Variants in CYFIP1 observed in about 807,000 individuals in gnomAD.
CYFIP1 encodes the protein cytoplasmic FMR1-interacting protein 1.
A neutral mutation model predicts 163.5 loss-of-function variants in CYFIP1; 58 were observed. That is an observed-to-expected ratio of 0.35 (90% CI 0.29 to 0.44). The LOEUF is 0.44. Ranked by LOEUF, CYFIP1 falls within the 20% of genes least tolerant of loss-of-function variation. The pLI, the probability that CYFIP1 is intolerant of heterozygous loss-of-function variation, is 1.00. For missense variants in CYFIP1, 1,338 were observed against 1,653.8 expected (o/e 0.81, Z 3.31); for synonymous variants, 663 against 660.7 (o/e 1.00, Z -0.05).
At chr15:22,955,183 C>G (rs1272005837) in intron 1 of CYFIP1, among the ~76,000 whole-genome samples, 1 of 152,202 alleles carries the variant, frequency 6.6e-6, no homozygotes, top group Admixed American at 6.5e-5. Flanking sequence ...CTGGCTGCCC[C>G]TCAGCCTCAG....
At chr15:22,897,880 C>T (rs1271223031) in intron 22 of CYFIP1, among the ~76,000 whole-genome samples, 1 of 152,178 alleles carries the variant, frequency 6.6e-6, no homozygotes, top group East Asian at 1.9e-4. Context: ...CCCTGGCACA[C>T]GCACAGTTTA....
chr15:22,947,532 C>A (rs1186902199), intron 1 of CYFIP1, among the ~76,000 whole-genome samples: 1 of 152,142 alleles, frequency 6.6e-6, no homozygotes, highest in African/African-American at 2.4e-5. Flanking sequence ...GCTCTCCTGG[C>A]CTCCAGGAGG....
At chr15:22,976,207 G>T (rs1008802790) in intron 1 of CYFIP1, among the ~76,000 whole-genome samples, 6 of 151,934 alleles carry the variant, frequency 3.9e-5, no homozygotes, top group Admixed American at 3.9e-4. Flanking sequence ...GCCCAGGCTG[G>T]ACTGCAGTGG....
chr15:22,944,511 AC>A (rs753010577), intron 5 of CYFIP1, 46 bp downstream of exon 5: 3 of 1,308,852 alleles, frequency 2.3e-6, no homozygotes, highest in Middle Eastern at 1.8e-4. Context: ...GGGGTCAGCA[AC>A]CCACCCCTCG....
chr15:22,955,251 A>T (rs985153932), intron 1 of CYFIP1, among the ~76,000 whole-genome samples: 1 of 152,084 alleles, frequency 6.6e-6, no homozygotes, highest in Non-Finnish European at 1.5e-5. Flanking sequence ...GGTGGAGGCC[A>T]CCCTGACACA....
intron 22 of CYFIP1, among the ~76,000 whole-genome samples, chr15:22,894,186 G>A (rs999193984): frequency 2.0e-5 from 3 of 151,974 alleles, no homozygotes; most frequent in East Asian, 1.9e-4. Flanking sequence ...GGCGGGGTGC[G>A]GGAGAAGACA....
At chr15:22,954,915 T>C (rs1482056717) in intron 1 of CYFIP1, among the ~76,000 whole-genome samples, 1 of 152,230 alleles carries the variant, frequency 6.6e-6, no homozygotes, top group Non-Finnish European at 1.5e-5. Context: ...TGGGTCGGGA[T>C]GCACCTCTGC....
At chr15:22,916,973 C>T (rs1247730520) in intron 15 of CYFIP1, 2 of 1,551,672 alleles carry the variant, frequency 1.3e-6, no homozygotes, top group East Asian at 4.9e-5. Flanking sequence ...GAGACTTGAG[C>T]TGCCTGAGCA....
intron 23 of CYFIP1, among the ~76,000 whole-genome samples, chr15:22,885,012 G>A (rs369812677): frequency 6.6e-6 from 1 of 151,922 alleles, no homozygotes; most frequent in African/African-American, 2.4e-5. Context: ...GGCAGGGCAG[G>A]CCCTGGGCCC....
At chr15:22,961,643 G>C (rs1441144392) in intron 1 of CYFIP1, among the ~76,000 whole-genome samples, 2 of 152,072 alleles carry the variant, frequency 1.3e-5, no homozygotes, top group South Asian at 4.1e-4. Flanking sequence ...GCCTCCCAAA[G>C]ATGCTGAAAT....
chr15:22,930,339 T>C (rs377723498), intron 11 of CYFIP1, among the ~76,000 whole-genome samples: 14 of 145,074 alleles, frequency 9.7e-5, no homozygotes, highest in African/African-American at 2.3e-4. Context: ...TGAGCCGAGA[T>C]TGCACCACTG....
At chr15:22,925,223 T>G (rs2061321167) in intron 13 of CYFIP1, among the ~76,000 whole-genome samples, 1 of 152,086 alleles carries the variant, frequency 6.6e-6, no homozygotes, top group Non-Finnish European at 1.5e-5. Context: ...AAAAGCTGAT[T>G]CTAAAATGAA....
intron 23 of CYFIP1, among the ~76,000 whole-genome samples, chr15:22,884,437 A>C (rs181441319): frequency 3.3e-5 from 5 of 152,276 alleles, no homozygotes; most frequent in Non-Finnish European, 7.4e-5. Context: ...GCAGTCATTA[A>C]ATCTTAAAGC....
Position 22,868,358 on chromosome 15 carries a change from TAATA to T in CYFIP1, c.*1666_*1669del, listed in dbSNP as rs762574905. ...GAGACTCATTTGAACATGCATAGGT[TAATA>T]AATAATAAATTCTTATTTAACATTT... On this transcript the variant is annotated 3_prime_UTR_variant, in exon 31 of 31. Transcript: ENST00000617928. The T allele has an allele frequency of 2.0e-5, 3 of 146,998 alleles. No homozygotes were observed. The highest frequency in any genetic ancestry group is 4.5e-5 in the Non-Finnish European group (3 of 66,084). The allele number at this position is 146,998 out of a possible 1,614,324, so 9.1% of individuals were successfully genotyped here.
At chr15:22,960,842 A>T (rs1280630203) in intron 1 of CYFIP1, among the ~76,000 whole-genome samples, 3 of 152,128 alleles carry the variant, frequency 2.0e-5, no homozygotes, top group African/African-American at 7.2e-5. Context: ...TAGGTCACAC[A>T]ATGTCTCTAA....
At position 22,937,089 on chromosome 15, in the gene CYFIP1, AAACATGT is replaced by A. The variant is rs1337251079; in HGVS notation, c.900+8_900+14del. On this transcript the variant is annotated splice_region_variant and intron_variant, in intron 9 of 30. Coordinates refer to ENST00000617928, the MANE Select transcript of CYFIP1 (RefSeq NM_014608.6). ...CAAATCAATAAAAACATTGATCTAA[AAACATGT>A]AACTCACCTTGAAGTACTTGTCGAT... 1 of 1,539,010 alleles carries A rather than the reference AAACATGT, an allele frequency of 6.5e-7. No individual in the cohort carries two copies. Among genetic ancestry groups the A allele is most frequent in the Admixed American group, 1.7e-5 (1 of 59,876 alleles).
chr15:22,872,918 A>C lies in CYFIP1; in HGVS notation c.3504T>G (p.Leu1168=), dbSNP rs754194634. The C allele has an allele frequency of 6.2e-7, 1 of 1,614,158 alleles. No homozygotes were observed. Among genetic ancestry groups the C allele is most frequent in the Non-Finnish European group, 8.5e-7 (1 of 1,179,990 alleles). Residue 1168 remains leucine, a synonymous_variant, in exon 30 of 31, where the codon CTT becomes CTG. Coordinates refer to ENST00000617928, the MANE Select transcript of CYFIP1 (RefSeq NM_014608.6). The part of the protein sequence containing the change: ...HWAGCMIIVL[L]GQQRRFAVLD... Reference sequence around the variant, plus strand: ...GCACAGCAAAACGCCGCTGCTGCCCAAGAAGTACGATGATCATACAGCCAG... The same window carrying C: ...GCACAGCAAAACGCCGCTGCTGCCCCAGAAGTACGATGATCATACAGCCAG...
At position 22,945,030 on chromosome 15, in the gene CYFIP1, A is replaced by G. The variant is rs2062013308; in HGVS notation, c.208-91T>C. 5 of 1,178,262 alleles carry G rather than the reference A, an allele frequency of 4.2e-6. No homozygotes were observed. The East Asian group carries it at 9.3e-5, about 22-fold the overall frequency. 73.0% of individuals were successfully genotyped at this position (1,178,262 alleles called of 1,614,324 possible). ...TGCTAAAATCCAGACAAAGCGCCACAAACTATCCTAAGCACTGTGGCCTGT... is the reference window on the plus strand; with the variant it reads ...TGCTAAAATCCAGACAAAGCGCCACGAACTATCCTAAGCACTGTGGCCTGT... On this transcript the variant is annotated intron_variant, in intron 3 of 30. Coordinates refer to ENST00000617928, the MANE Select transcript of CYFIP1 (RefSeq NM_014608.6).
intron 13 of CYFIP1, among the ~76,000 whole-genome samples, chr15:22,925,080 T>C (rs1186215622): frequency 6.6e-6 from 1 of 152,192 alleles, no homozygotes; most frequent in African/African-American, 2.4e-5. Context: ...CTGAACATTT[T>C]TGACCCAAGG....
Sources: allele counts gnomAD v4.1 joint callset (sites outside exome capture counted in the v4.1 genomes callset), GRCh38; gene constraint gnomAD v4.1.1; transcripts MANE v1.5; gene names NCBI Gene and HGNC (gene_info 2026-07-23, HGNC 2026-07-21).